Variants in SNTG1 observed in about 807,000 individuals in gnomAD.
The protein encoded by SNTG1 is syntrophin gamma 1.
SNTG1 carries 39 observed loss-of-function variants against 74.7 expected under a neutral mutation model. The ratio of observed to expected loss-of-function variants is 0.52; its 90% CI spans 0.40 to 0.68. The LOEUF (loss-of-function observed/expected upper bound fraction) is 0.68. Ranked by LOEUF, SNTG1 falls within the 30% of genes least tolerant of loss-of-function variation. The probability of loss-of-function intolerance (pLI) is 0.00; values close to 1 mark genes in which losing one functional copy is unlikely to be tolerated. For synonymous variants in SNTG1, 254 were observed against 217.1 expected (o/e 1.17, Z -1.49); for missense variants, 685 against 609.5 (o/e 1.12, Z -1.30).
At chr8:50,563,600 A>G (rs138151881) in intron 12 of SNTG1, among the ~76,000 whole-genome samples, 3 of 152,254 alleles carry the variant, frequency 2.0e-5, no homozygotes, top group Non-Finnish European at 2.9e-5. Flanking sequence ...TTTTGTTTCT[A>G]TAACTCACTG....
At chr8:50,023,090 G>T (rs1334499917) in intron 1 of SNTG1, among the ~76,000 whole-genome samples, 1 of 152,200 alleles carries the variant, frequency 6.6e-6, no homozygotes, top group Non-Finnish European at 1.5e-5. Context: ...AGATCAACAA[G>T]GTTGGCAGTG....
chr8:50,742,937 A>G lies in SNTG1; in HGVS notation c.1285-9064A>G, dbSNP rs530525712. Among the ~76,000 whole-genome samples the G allele has an allele frequency of 5.9e-5, 9 of 151,998 alleles. No homozygotes were observed. The South Asian group carries it at 1.9e-3, about 31-fold the overall frequency. On this transcript the variant is annotated intron_variant, in intron 17 of 18. Transcript: ENST00000642720. ...TTGATAACCTAGATGAAATAGATAA[A>G]TTCCTGGAAATATACACACTGCCAA...
chr8:50,237,411 T>G (rs2085963758), intron 2 of SNTG1, among the ~76,000 whole-genome samples: 1 of 152,184 alleles, frequency 6.6e-6, no homozygotes, highest in Non-Finnish European at 1.5e-5. Flanking sequence ...TTTCATGAAT[T>G]TGGCCATCAT....
At position 49,933,876 on chromosome 8, in the gene SNTG1, G is replaced by T. The variant is rs543401974; in HGVS notation, c.-103+21645G>T. Reference sequence around the variant, plus strand: ...TCCTGGACTTGGTTGTGGAGGTTTGGCAGGGATATCGCTACATATTTATGG... The same window carrying T: ...TCCTGGACTTGGTTGTGGAGGTTTGTCAGGGATATCGCTACATATTTATGG... On this transcript the variant is annotated intron_variant, in intron 1 of 18. Transcript: ENST00000642720. Among the ~76,000 whole-genome samples the T allele has an allele frequency of 2.6e-5, 4 of 152,280 alleles. No individual in the cohort carries two copies. In the East Asian group the frequency reaches 7.7e-4, roughly 29 times the overall value.
chr8:50,167,066 G>A (rs1035683476), intron 1 of SNTG1, among the ~76,000 whole-genome samples: 4 of 131,552 alleles, frequency 3.0e-5, no homozygotes, highest in South Asian at 2.4e-4. Context: ...GGTGGGAATT[G>A]AACAATGCGA....
In SNTG1 at chr8:50,205,465, G is replaced by A. The variant is rs557394206; in HGVS notation, c.-28+32830G>A. Among the ~76,000 whole-genome samples, 8 of 152,254 alleles carry A rather than the reference G, an allele frequency of 5.3e-5. No homozygotes were observed. In the East Asian group the frequency reaches 1.5e-3, roughly 29 times the overall value. On this transcript the variant is annotated intron_variant, in intron 2 of 18. Coordinates refer to ENST00000642720, the MANE Select transcript of SNTG1 (RefSeq NM_018967.5). ...CTGTTTAAGTTCTTTGTAGATTCCA[G>A]ATATTAGACCTTTGTCAGATGGGTA... is the stretch of plus-strand genomic sequence containing the variant.
intron 5 of SNTG1, among the ~76,000 whole-genome samples, chr8:50,440,339 T>C (rs1341651567): frequency 6.6e-6 from 1 of 152,042 alleles, no homozygotes; most frequent in African/African-American, 2.4e-5. Context: ...TTTCTCATAC[T>C]TACCTCTGAA....
intron 12 of SNTG1, among the ~76,000 whole-genome samples, chr8:50,559,278 C>T (rs1335877940): frequency 6.6e-6 from 1 of 151,964 alleles, no homozygotes; most frequent in Non-Finnish European, 1.5e-5. Flanking sequence ...AAAGCAATAA[C>T]AAAAATATCC....
At chr8:50,588,326 C>T (rs759933043) in intron 12 of SNTG1, among the ~76,000 whole-genome samples, 1 of 151,986 alleles carries the variant, frequency 6.6e-6, no homozygotes, top group Non-Finnish European at 1.5e-5. Context: ...TATTTTGTAT[C>T]TACAACACCA....
chr8:50,594,187 G>A (rs1490468802), intron 13 of SNTG1, among the ~76,000 whole-genome samples: 1 of 152,086 alleles, frequency 6.6e-6, no homozygotes, highest in Non-Finnish European at 1.5e-5. Flanking sequence ...AGAGGTAAAG[G>A]CATATAGGCC....
At position 50,657,838 on chromosome 8, in the gene SNTG1, C is replaced by T. The variant is rs148629645; in HGVS notation, c.967-754C>T. On this transcript the variant is annotated intron_variant, in intron 14 of 18. Transcript: ENST00000642720. ...ATATGTATAGATACCTATTGCACCT[C>T]AAGTCTTGCTTTTGGAAACATGTAC... 2.0e-5 allele frequency among the ~76,000 whole-genome samples: 3 copies of T among 152,158 alleles called. No individual in the cohort carries two copies. The East Asian group carries it at 5.8e-4, about 29-fold the overall frequency.
At chr8:50,354,571 T>C (rs1386892757) in intron 2 of SNTG1, among the ~76,000 whole-genome samples, 1 of 152,288 alleles carries the variant, frequency 6.6e-6, no homozygotes, top group South Asian at 2.1e-4. Flanking sequence ...AGAGCTGACA[T>C]TATTGTCTCT....
Position 50,317,572 on chromosome 8 carries a change from G to A in SNTG1, c.-27-76640G>A, listed in dbSNP as rs112101496. On this transcript the variant is annotated intron_variant, in intron 2 of 18. Coordinates refer to ENST00000642720, the MANE Select transcript of SNTG1 (RefSeq NM_018967.5). ...GGATGATGGTGTATGAAACGTGTTA[G>A]CACAAACAGAAACAAAGGAGTTTGA... Among the ~76,000 whole-genome samples, 151 of 152,248 alleles carry A rather than the reference G, an allele frequency of 9.9e-4. 1 individual carries two copies. Among genetic ancestry groups the A allele is most frequent in the African/African-American group, 3.2e-3 (133 of 41,564 alleles).
chr8:50,082,487 T>A (rs1335175333), intron 1 of SNTG1, among the ~76,000 whole-genome samples: 1 of 152,150 alleles, frequency 6.6e-6, no homozygotes, highest in Non-Finnish European at 1.5e-5. Flanking sequence ...CCTGTTTATT[T>A]ATCTGCTCCT....
chr8:50,657,252 C>A (rs1217901360), intron 14 of SNTG1, among the ~76,000 whole-genome samples: 2 of 152,076 alleles, frequency 1.3e-5, no homozygotes, highest in East Asian at 1.9e-4. Context: ...AAATAGTGAA[C>A]CTATAAAATA....
intron 1 of SNTG1, among the ~76,000 whole-genome samples, chr8:49,974,024 A>C (rs1385832970): frequency 1.3e-5 from 2 of 152,146 alleles, no homozygotes; most frequent in Non-Finnish European, 2.9e-5. Context: ...TTCCTCTTTG[A>C]ATTCATTAAG....
At chr8:50,073,971 C>G (rs934054993) in intron 1 of SNTG1, among the ~76,000 whole-genome samples, 1 of 149,682 alleles carries the variant, frequency 6.7e-6, no homozygotes, top group Non-Finnish European at 1.5e-5. Context: ...CTTAAGGGCC[C>G]TAGGATTTTC....
intron 15 of SNTG1, among the ~76,000 whole-genome samples, chr8:50,699,908 T>C (rs1239344841): frequency 6.6e-6 from 1 of 152,184 alleles, no homozygotes; most frequent in Non-Finnish European, 1.5e-5. Flanking sequence ...GAATTAAATA[T>C]AGTATCTTAT....
chr8:50,252,932 C>T (rs907445492), intron 2 of SNTG1, among the ~76,000 whole-genome samples: 2 of 152,232 alleles, frequency 1.3e-5, no homozygotes, highest in Non-Finnish European at 2.9e-5. Flanking sequence ...TTAAAAAGTG[C>T]TCATCAGTAA....
Sources: allele counts gnomAD v4.1 joint callset (sites outside exome capture counted in the v4.1 genomes callset), GRCh38; gene constraint gnomAD v4.1.1; transcripts MANE v1.5; gene names NCBI Gene and HGNC (gene_info 2026-07-23, HGNC 2026-07-21).